ZNF875: variants seen among roughly 807,000 people sequenced by gnomAD.
ZNF875 encodes the protein zinc finger protein 875.
ZNF875 carries 14 observed loss-of-function variants against 11.2 expected under a neutral mutation model. The ratio of observed to expected loss-of-function variants is 1.26; its 90% CI spans 0.83 to 1.96. The LOEUF (loss-of-function observed/expected upper bound fraction) is 1.96. Among genes scored for constraint, ZNF875 ranks in the 30% most tolerant of loss-of-function variants. ZNF875 has a pLI of 0.00. For synonymous variants in ZNF875, 301 were observed against 281.1 expected (o/e 1.07, Z -0.71); for missense variants, 752 against 760.4 (o/e 0.99, Z 0.13).
rs115730994 is a variant in ZNF875 at position 37,359,316 on chromosome 19, C to T, written c.257-2793C>T. On this transcript the variant is annotated intron_variant, in intron 4 of 4. Coordinates refer to ENST00000392153, the MANE Select transcript of ZNF875 (RefSeq NM_001353803.2). ...ATGTGCCCATTTGCATTCATCCGTC[C>T]TCCCATCAGAGGAAACCATTGATTT... 5.9e-3 allele frequency: 983 copies of T among 166,736 alleles called. 9 individuals are homozygous for T. The highest frequency in any genetic ancestry group is 0.022 in the African/African-American group (915 of 41,670). 10.3% of individuals were successfully genotyped at this position (166,736 alleles called of 1,614,324 possible). A position where few individuals can be genotyped will look rare whatever the true frequency, so the allele number is the denominator to read the frequency against.
chr19:37,327,904 G>A (rs947364182), intron 4 of ZNF875, among the ~76,000 whole-genome samples: 9 of 152,164 alleles, frequency 5.9e-5, no homozygotes, highest in African/African-American at 1.9e-4. Context: ...TCCTGTGCTC[G>A]AATGGAAAAT....
At chr19:37,314,196 C>T (rs950824034), upstream of ZNF875, among the ~76,000 whole-genome samples, 1 of 152,132 alleles carries the variant, frequency 6.6e-6, no homozygotes, top group Non-Finnish European at 1.5e-5. Context: ...ACCACAGCCT[C>T]GACCTCTTGG....
upstream of ZNF875, among the ~76,000 whole-genome samples, chr19:37,316,029 C>T (rs2030166187): frequency 6.6e-6 from 1 of 152,160 alleles, no homozygotes; most frequent in South Asian, 2.1e-4. Flanking sequence ...TTCTCCATTT[C>T]TTCAACGTTT....
At chr19:37,321,917 T>A (rs1178957961) in intron 1 of ZNF875, among the ~76,000 whole-genome samples, 1 of 152,226 alleles carries the variant, frequency 6.6e-6, no homozygotes. Context: ...TAGCTGCATT[T>A]CTAAGTAATT....
intron 4 of ZNF875, among the ~76,000 whole-genome samples, chr19:37,360,313 TCATTACTGTAGCTTTA>T (rs1280289323): frequency 1.3e-5 from 2 of 152,234 alleles, no homozygotes; most frequent in Non-Finnish European, 2.9e-5. Flanking sequence ...CACACTATCT[TCATTACTGTAGCTTTA>T]TATTAAGTTT....
At chr19:37,326,663 G>GATTT (rs1568566906) in intron 4 of ZNF875, among the ~76,000 whole-genome samples, 1 of 110,890 alleles carries the variant, frequency 9.0e-6, no homozygotes, top group African/African-American at 3.3e-5. Flanking sequence ...AAATTAGAAA[G>GATTT]CTTTTTTTTT....
chr19:37,343,678 G>A (rs1301448052), intron 2 of ZNF875, among the ~76,000 whole-genome samples: 1 of 152,098 alleles, frequency 6.6e-6, no homozygotes. Context: ...CCTGAACTCA[G>A]ATGCCTCTCA....
intron 2 of ZNF875, among the ~76,000 whole-genome samples, chr19:37,322,884 C>T (rs2031747316): frequency 6.6e-6 from 1 of 152,118 alleles, no homozygotes. Flanking sequence ...TGAGTTTGCA[C>T]AGATGTAATT....
intron 4 of ZNF875, among the ~76,000 whole-genome samples, chr19:37,360,831 CA>C (rs2039774573): frequency 1.3e-5 from 2 of 152,142 alleles, no homozygotes; most frequent in African/African-American, 4.8e-5. Flanking sequence ...GCTACTTTGT[CA>C]CATTTATTCC....
At chr19:37,352,878 T>C (rs1309760805) in intron 4 of ZNF875, among the ~76,000 whole-genome samples, 2 of 136,584 alleles carry the variant, frequency 1.5e-5, no homozygotes, top group African/African-American at 5.9e-5. Flanking sequence ...TTTTTTCTTT[T>C]TTTTTTTTTT....
intron 3 of ZNF875, 34 bp from the exon 4 acceptor site, chr19:37,347,743 C>T (rs940160711): frequency 7.2e-7 from 1 of 1,384,024 alleles, no homozygotes; most frequent in African/African-American, 1.4e-5. Flanking sequence ...GAGCCCATAA[C>T]CAACAATGTC....
upstream of ZNF875, among the ~76,000 whole-genome samples, chr19:37,330,110 A>G (rs141266495): frequency 1.9e-3 from 289 of 152,280 alleles, 1 homozygote; most frequent in Admixed American, 5.3e-3. Flanking sequence ...TGAAAAATAA[A>G]GAATATTTTT....
At position 37,334,796 on chromosome 19, in the gene ZNF875, A is replaced by G; in HGVS notation, c.-57+14A>G. 1 of 457,056 alleles carries G rather than the reference A, an allele frequency of 2.2e-6. No homozygotes were observed. Among genetic ancestry groups the G allele is most frequent in the Non-Finnish European group, 4.4e-6 (1 of 227,456 alleles). The allele number at this position is 457,056 out of a possible 1,614,324, so 28.3% of individuals were successfully genotyped here. ...CACCCGCGTTCCGTGAGTGCCCTAT[A>G]GGCAGTCAGCATGCCCCTCTGCGTG... On this transcript the variant is annotated intron_variant, in intron 1 of 4. Coordinates refer to ENST00000392153, the MANE Select transcript of ZNF875 (RefSeq NM_001353803.2).
At chr19:37,336,831 C>A (rs1291497718) in intron 2 of ZNF875, among the ~76,000 whole-genome samples, 1 of 151,968 alleles carries the variant, frequency 6.6e-6, no homozygotes, top group Non-Finnish European at 1.5e-5. Flanking sequence ...TCGCTTGAAC[C>A]TGGGAAGCGG....
intron 1 of ZNF875, among the ~76,000 whole-genome samples, chr19:37,320,472 A>G (rs1164986839): frequency 6.6e-6 from 1 of 152,270 alleles, no homozygotes; most frequent in African/African-American, 2.4e-5. Flanking sequence ...AATGTGTTAA[A>G]GTGGCTGTTA....
At chr19:37,328,235 G>A (rs929093187) in intron 4 of ZNF875, among the ~76,000 whole-genome samples, 3 of 151,944 alleles carry the variant, frequency 2.0e-5, no homozygotes, top group Non-Finnish European at 2.9e-5. Flanking sequence ...GCAAAACTCT[G>A]TCTCAAAAAA....
intron 2 of ZNF875, chr19:37,344,593 A>G: frequency 1.9e-6 from 2 of 1,069,414 alleles, no homozygotes; most frequent in Non-Finnish European, 2.9e-6. Flanking sequence ...TTCATTTTTC[A>G]TATATTTATT....
At chr19:37,325,388 A>G (rs2032252124) in intron 4 of ZNF875, among the ~76,000 whole-genome samples, 1 of 152,188 alleles carries the variant, frequency 6.6e-6, no homozygotes, top group African/African-American at 2.4e-5. Flanking sequence ...ATAGAAATAC[A>G]ATGCCAGACA....
Position 37,362,629 on chromosome 19 carries a change from G to A in ZNF875, c.777G>A (p.Trp259Ter), listed in dbSNP as rs144076342. 6.2e-7 allele frequency: 1 copy of A among 1,613,572 alleles called. No individual in the cohort carries two copies. The highest frequency in any genetic ancestry group is 8.5e-7 in the Non-Finnish European group (1 of 1,179,748). The part of the protein sequence containing the change: ...TGETPYMYTE[W>*]GDSFGSMSVL... ...AGACACCTTACATGTACACTGAGTG[G>A]GGAGACAGCTTTGGCAGTATGTCAG... The change falls in exon 5 of 5, where the codon TGG (tryptophan) becomes TGA (stop). Residue 259 changes from tryptophan (W) to a stop codon, truncating the protein, a stop_gained. Coordinates refer to ENST00000392153, the MANE Select transcript of ZNF875 (RefSeq NM_001353803.2). LOFTEE classifies it low-confidence loss of function (END_TRUNC).
Sources: gnomAD v4.1 joint callset for allele counts (sites outside exome capture counted in the v4.1 genomes callset) on GRCh38, gnomAD v4.1.1 for gene constraint, MANE v1.5 for transcripts, NCBI Gene and HGNC (gene_info 2026-07-23, HGNC 2026-07-21) for gene names.